The following UST variants were observed in gnomAD, a reference collection of about 807,000 sequenced individuals.
The protein encoded by UST is chondroitin sulfate 2-O-sulfotransferase.
A neutral mutation model predicts 45.6 loss-of-function variants in UST; 21 were observed. The observed-to-expected ratio is 0.46, with a 90% CI of 0.33 to 0.66. The LOEUF (loss-of-function observed/expected upper bound fraction) is 0.66, where lower values mean the gene tolerates loss of function less well. Among genes scored for constraint, UST ranks in the 30% least tolerant of loss-of-function variants. UST has a pLI of 0.02. For missense variants in UST, 463 were observed against 512.4 expected (o/e 0.90, Z 0.93); for synonymous variants, 215 against 200.6 (o/e 1.07, Z -0.61).
rs538843789 is a variant in UST at position 148,826,666 on chromosome 6, A to C, written c.248-60320A>C. ...TATTAGTTTTCTATGCTGCTGTAAC[A>C]AATTGTCACAAATTAAGTGGCTTAA... On this transcript the variant is annotated intron_variant, in intron 1 of 7. Transcript: ENST00000367463. Among the ~76,000 whole-genome samples the C allele has an allele frequency of 3.9e-5, 6 of 152,318 alleles. No homozygotes were observed. In the East Asian group the frequency reaches 1.2e-3, roughly 29 times the overall value.
chr6:149,048,611 A>T (rs1173456803), intron 7 of UST, among the ~76,000 whole-genome samples: 2 of 152,222 alleles, frequency 1.3e-5, no homozygotes, highest in African/African-American at 4.8e-5. Flanking sequence ...TGTTTAAAAC[A>T]TACTTAAGTT....
chr6:149,038,341 A>G (rs1337970022), intron 7 of UST, among the ~76,000 whole-genome samples: 1 of 149,294 alleles, frequency 6.7e-6, no homozygotes, highest in Non-Finnish European at 1.5e-5. Flanking sequence ...GTCATACTAG[A>G]TTAGGGTGGA....
intron 1 of UST, among the ~76,000 whole-genome samples, chr6:148,781,295 C>G (rs1159496750): frequency 3.3e-5 from 5 of 152,118 alleles, no homozygotes; most frequent in African/African-American, 4.8e-5. Context: ...AGCTAAGGAG[C>G]CTCATTACTG....
At chr6:148,895,122 T>C (rs1779099763) in intron 2 of UST, among the ~76,000 whole-genome samples, 1 of 152,106 alleles carries the variant, frequency 6.6e-6, no homozygotes, top group Non-Finnish European at 1.5e-5. Context: ...GGCATTTCAG[T>C]GCATTTTTAA....
intron 2 of UST, among the ~76,000 whole-genome samples, chr6:148,900,853 G>A (rs144168553): frequency 1.3e-5 from 2 of 152,254 alleles, no homozygotes; most frequent in East Asian, 3.9e-4. Context: ...GAAGCTCTGG[G>A]GCAAATCCAT....
intron 1 of UST, among the ~76,000 whole-genome samples, chr6:148,826,494 C>T (rs946732421): frequency 2.6e-5 from 4 of 151,862 alleles, no homozygotes; most frequent in African/African-American, 9.7e-5. Context: ...TGTCATTATA[C>T]AAAAATGACA....
intron 1 of UST, among the ~76,000 whole-genome samples, chr6:148,772,278 C>T (rs141652900): frequency 2.0e-5 from 3 of 152,222 alleles, no homozygotes; most frequent in Non-Finnish European, 4.4e-5. Flanking sequence ...ATGCTATGTG[C>T]CCAAGGTATA....
At chr6:148,787,613 C>T (rs570095556) in intron 1 of UST, among the ~76,000 whole-genome samples, 155 of 152,250 alleles carry the variant, frequency 1.0e-3, no homozygotes, top group Middle Eastern at 3.4e-3. Context: ...AGTTTGAAGT[C>T]GGGTAGCATG....
rs879766513 is a variant in UST, at chr6:148,786,092, CT to C, written c.247+38427del. Among the ~76,000 whole-genome samples, 507 of 145,392 alleles carry C rather than the reference CT, an allele frequency of 3.5e-3. 2 individuals are homozygous for C. The highest frequency in any genetic ancestry group is 9.6e-3 in the African/African-American group (384 of 39,934). On this transcript the variant is annotated intron_variant, in intron 1 of 7. Coordinates refer to ENST00000367463, the MANE Select transcript of UST (RefSeq NM_005715.3). ...TAATGAAAATGCTACCATGACAGAT[CT>C]TTTTTTTTTTTCCTAACAGGATGTA...
intron 1 of UST, among the ~76,000 whole-genome samples, chr6:148,871,402 A>C (rs1240993835): frequency 6.6e-6 from 1 of 152,184 alleles, no homozygotes; most frequent in Non-Finnish European, 1.5e-5. Context: ...AGAGATTTTC[A>C]GTAAATCTTA....
At chr6:148,990,727 C>T (rs974332045) in intron 5 of UST, among the ~76,000 whole-genome samples, 1 of 152,134 alleles carries the variant, frequency 6.6e-6, no homozygotes, top group Non-Finnish European at 1.5e-5. Flanking sequence ...TTTCAAAGCG[C>T]AACTTCTCTC....
chr6:148,842,012 A>G (rs1252295819), intron 1 of UST, among the ~76,000 whole-genome samples: 1 of 152,270 alleles, frequency 6.6e-6, no homozygotes, highest in East Asian at 1.9e-4. Context: ...AGGCTGAGGC[A>G]GGAGAATCAC....
chr6:148,867,313 CACACACACACACACAT>C lies in UST; in HGVS notation c.248-19671_248-19656del, dbSNP rs1397877864. On this transcript the variant is annotated intron_variant, in intron 1 of 7. Transcript: ENST00000367463. Reference sequence around the variant, plus strand: ...ACACACACACACACACACACACACACACACACACACACACATATATATGTACGTATGTATGTATTTT... The same window carrying C: ...ACACACACACACACACACACACACACATATATGTACGTATGTATGTATTTT... Among the ~76,000 whole-genome samples, 270 of 145,558 alleles carry C rather than the reference CACACACACACACACAT, an allele frequency of 1.9e-3. 4 individuals are homozygous for C. Among genetic ancestry groups the C allele is most frequent in the Non-Finnish European group, 3.0e-4 (20 of 66,848 alleles).
intron 2 of UST, among the ~76,000 whole-genome samples, chr6:148,935,933 G>A (rs377653316): frequency 1.5e-4 from 23 of 152,156 alleles, no homozygotes; most frequent in African/African-American, 4.8e-4. Context: ...TGATGATACT[G>A]GTTGTGATCG....
chr6:148,874,518 A>G (rs1778613351), intron 1 of UST, among the ~76,000 whole-genome samples: 1 of 152,178 alleles, frequency 6.6e-6, no homozygotes, highest in African/African-American at 2.4e-5. Flanking sequence ...CTCATTTTTC[A>G]CATTTGAGAT....
chr6:148,874,201 T>C (rs1778608723), intron 1 of UST, among the ~76,000 whole-genome samples: 2 of 152,280 alleles, frequency 1.3e-5, no homozygotes, highest in Non-Finnish European at 2.9e-5. Flanking sequence ...TATAACATTA[T>C]GATGAATTCC....
At chr6:148,972,714 G>T (rs887196740) in intron 5 of UST, among the ~76,000 whole-genome samples, 1 of 152,254 alleles carries the variant, frequency 6.6e-6, no homozygotes, top group Admixed American at 6.5e-5. Flanking sequence ...GCTGTGTCCC[G>T]CCGCTGGCGC....
intron 5 of UST, among the ~76,000 whole-genome samples, chr6:149,018,473 G>T (rs1348123245): frequency 1.3e-5 from 2 of 152,114 alleles, no homozygotes; most frequent in African/African-American, 2.4e-5. Context: ...ATAAAAGTTG[G>T]TTTTGAGCCC....
chr6:148,960,193 G>A (rs1366620566), intron 4 of UST, among the ~76,000 whole-genome samples: 1 of 152,124 alleles, frequency 6.6e-6, no homozygotes, highest in Non-Finnish European at 1.5e-5. Flanking sequence ...GGAGACTGTG[G>A]CAGGAGAATC....
Sources: gnomAD v4.1 joint callset for allele counts (sites outside exome capture counted in the v4.1 genomes callset) on GRCh38, gnomAD v4.1.1 for gene constraint, MANE v1.5 for transcripts, NCBI Gene and HGNC (gene_info 2026-07-23, HGNC 2026-07-21) for gene names.